The following FAM228B variants were observed in gnomAD, a reference collection of about 807,000 sequenced individuals.
The protein encoded by FAM228B is family with sequence similarity 228 member B.
A neutral mutation model predicts 42.6 loss-of-function variants in FAM228B; 38 were observed. The observed-to-expected ratio is 0.89, with a 90% CI of 0.69 to 1.17. The LOEUF (loss-of-function observed/expected upper bound fraction) is 1.17, where lower values mean the gene tolerates loss of function less well. FAM228B is among the 50% of genes most tolerant of loss of function. The probability of loss-of-function intolerance (pLI) is 0.00; values close to 1 mark genes in which losing one functional copy is unlikely to be tolerated. For missense variants in FAM228B, 344 were observed against 367.3 expected, an observed-to-expected ratio of 0.94 and a Z score of 0.52; for synonymous variants, 109 against 122.3, an observed-to-expected ratio of 0.89 and a Z score of 0.72.
chr2:24,143,305 C>T (rs1225248424), intron 5 of FAM228B, among the ~76,000 whole-genome samples: 3 of 151,564 alleles, frequency 2.0e-5, no homozygotes, highest in Non-Finnish European at 4.4e-5. Flanking sequence ...CTCAGCCTCC[C>T]GAGTAGCTGG....
chr2:24,120,905 T>G, upstream of FAM228B, among the ~76,000 whole-genome samples: 1 of 148,994 alleles, frequency 6.7e-6, no homozygotes, highest in African/African-American at 2.5e-5. Flanking sequence ...GGATGTAGAG[T>G]ATGAAGGTGG....
chr2:24,157,665 G>A (rs887091231), intron 7 of FAM228B, among the ~76,000 whole-genome samples: 12 of 150,436 alleles, frequency 8.0e-5, no homozygotes, highest in Non-Finnish European at 1.3e-4. Context: ...TTGAACCTGG[G>A]AGGCAGAAGT....
chr2:24,077,408 G>A lies in FAM228B; in HGVS notation c.-290+439G>A, dbSNP rs1417709565. 5.6e-6 allele frequency: 4 copies of A among 716,808 alleles called. No individual in the cohort carries two copies. Among genetic ancestry groups the A allele is most frequent in the Admixed American group, 3.3e-5 (1 of 30,414 alleles). The allele number at this position is 716,808 out of a possible 1,614,324, so 44.4% of individuals were successfully genotyped here. ...CGGACTCCCACCTCAACCCCGCCGC[G>A]GCGGCCCCAGTCCGCGTGCCACCCT... On this transcript the variant is annotated intron_variant, in intron 1 of 10. Coordinates refer to the FAM228B transcript ENST00000613899. This position sits in a 1 kb window ranked among gnomAD's most constrained non-coding sequence, Gnocchi z 5.5.
At chr2:24,123,649 C>T (rs1410717091) in intron 1 of FAM228B, 116 bp downstream of exon 1, 1 of 151,802 alleles carries the variant, frequency 6.6e-6, no homozygotes, top group Non-Finnish European at 1.5e-5. Context: ...GGCCGCGGGC[C>T]TGCTGGCCTT....
At chr2:24,123,329 A>G (rs953031048), upstream of FAM228B, 1 of 151,762 alleles carries the variant, frequency 6.6e-6, no homozygotes, top group Admixed American at 6.6e-5. Flanking sequence ...TGGCGGCGGC[A>G]GGATTGGCCG....
intron 2 of FAM228B, chr2:24,087,508 A>G (rs1665287638): frequency 6.6e-6 from 1 of 152,350 alleles, no homozygotes; most frequent in African/African-American, 2.4e-5. Flanking sequence ...TTATGCTAAT[A>G]TGACTTAGGG....
chr2:24,114,367 T>C (rs981457101), intron 3 of FAM228B, among the ~76,000 whole-genome samples: 2 of 152,146 alleles, frequency 1.3e-5, no homozygotes, highest in Non-Finnish European at 2.9e-5. Context: ...CCCATCCCAG[T>C]AGCCATGTCT....
At position 24,147,374 on chromosome 2, in the gene FAM228B, ATCTT is replaced by A. The variant is rs567679670; in HGVS notation, c.686+289_686+292del. 1.8e-4 allele frequency among the ~76,000 whole-genome samples: 27 copies of A among 151,694 alleles called. No individual in the cohort carries two copies. In the South Asian group the frequency reaches 5.4e-3, roughly 30 times the overall value. On this transcript the variant is annotated intron_variant, in intron 7 of 10. Coordinates refer to ENST00000615575, the MANE Select transcript of FAM228B (RefSeq NM_001145710.2). The stretch of plus-strand genomic sequence containing the variant: ...TGTTTATATTTGTTTTTTTCTGTCT[ATCTT>A]AATGTTCTCTGAGGTTCTCATATGT...
chr2:24,151,388 T>C (rs934250493), intron 7 of FAM228B, among the ~76,000 whole-genome samples: 1 of 151,882 alleles, frequency 6.6e-6, no homozygotes, highest in African/African-American at 2.4e-5. Flanking sequence ...CCTCTTGGGT[T>C]AAGGTGATTC....
At position 24,080,803 on chromosome 2, in the gene FAM228B, A is replaced by G; in HGVS notation, c.-289-73A>G. ...ATCTCTTAAATTCCTGCTGAACTGT[A>G]GAAGCAGTTGTTTACCTTTGGTGAA... On this transcript the variant is annotated intron_variant, in intron 1 of 10. Transcript: ENST00000613899. The surrounding 1 kb of genome is among the most constrained non-coding windows in gnomAD (Gnocchi z 4.7). The G allele has an allele frequency of 1.2e-6, 2 of 1,613,760 alleles. No individual in the cohort carries two copies. Among genetic ancestry groups the G allele is most frequent in the East Asian group, 2.2e-5 (1 of 44,894 alleles).
intron 3 of FAM228B, among the ~76,000 whole-genome samples, chr2:24,107,215 A>G (rs949449264): frequency 3.3e-5 from 5 of 152,224 alleles, no homozygotes; most frequent in African/African-American, 1.2e-4. Flanking sequence ...GTACAATTCA[A>G]CAAGAAGACC....
At position 24,077,819 on chromosome 2, in the gene FAM228B, C is replaced by T. The variant is rs1573713437; in HGVS notation, c.-290+850C>T. On this transcript the variant is annotated intron_variant, in intron 1 of 10. Coordinates refer to the FAM228B transcript ENST00000613899. This position sits in a 1 kb window ranked among gnomAD's most constrained non-coding sequence, Gnocchi z 5.5. ...GGAGAGAGCCTCACCCTGCCCTCCT[C>T]ATCCTCCTCAGCCTTCTTGCTCTCT... 2.6e-6 allele frequency: 4 copies of T among 1,554,368 alleles called. No individual in the cohort carries two copies. Among genetic ancestry groups the T allele is most frequent in the Admixed American group, 1.9e-5 (1 of 53,848 alleles).
intron 3 of FAM228B, among the ~76,000 whole-genome samples, chr2:24,108,717 C>T (rs370233180): frequency 6.9e-4 from 105 of 151,894 alleles, no homozygotes; most frequent in African/African-American, 2.4e-3. Flanking sequence ...CTAGCTAACA[C>T]GGTGAAACCC....
rs1487455415 is a variant in FAM228B, at chr2:24,167,679, G to C, written c.*10G>C. 1 of 1,551,446 alleles carries C rather than the reference G, an allele frequency of 6.4e-7. No individual in the cohort carries two copies. The highest frequency in any genetic ancestry group is 8.7e-7 in the Non-Finnish European group (1 of 1,146,802). On this transcript the variant is annotated 3_prime_UTR_variant, in exon 10 of 11. Transcript: ENST00000615575. ...GAAGCTGGAGCTATAAGAAAGAAGA[G>C]GGAGGTAGATGTCTTCTCTCTTTCC...
chr2:24,152,984 T>C (rs565935835), intron 7 of FAM228B, among the ~76,000 whole-genome samples: 4 of 152,296 alleles, frequency 2.6e-5, no homozygotes, highest in African/African-American at 9.6e-5. Context: ...ACCACTGGTC[T>C]ATGGGGATTC....
In FAM228B at chr2:24,092,218, CAAAAAAAAAAAA is replaced by C. The variant is rs34189159; in HGVS notation, c.-209-2909_-209-2898del. ...TGGGTGACAGAGTAAGACTCTGTCTCAAAAAAAAAAAAAAAAAAAAAAAAAGGAATAGTAGTA... is the reference window on the plus strand; with the variant it reads ...TGGGTGACAGAGTAAGACTCTGTCTCAAAAAAAAAAAAAGGAATAGTAGTA... On this transcript the variant is annotated intron_variant, in intron 2 of 10. Transcript: ENST00000613899. Among the ~76,000 whole-genome samples, 5 of 29,998 alleles carry C rather than the reference CAAAAAAAAAAAA, an allele frequency of 1.7e-4. No homozygotes were observed. In the East Asian group the frequency reaches 6.2e-3, roughly 37 times the overall value. The allele number at this position is 29,998 out of a possible 152,430, so 19.7% of individuals were successfully genotyped here.
At chr2:24,146,517 CA>C in intron 5 of FAM228B, among the ~76,000 whole-genome samples, 1 of 152,202 alleles carries the variant, frequency 6.6e-6, no homozygotes, top group East Asian at 1.9e-4. Context: ...CACTTTGAAA[CA>C]AGAGCTAACT....
At chr2:24,147,320 CTT>C (rs1447381160) in intron 7 of FAM228B, among the ~76,000 whole-genome samples, 1 of 151,376 alleles carries the variant, frequency 6.6e-6, no homozygotes, top group Non-Finnish European at 1.5e-5. Context: ...TTCTGTTTCT[CTT>C]TGGTTTTCAT....
chr2:24,145,766 G>T (rs565721422), intron 5 of FAM228B, among the ~76,000 whole-genome samples: 1 of 144,974 alleles, frequency 6.9e-6, no homozygotes, highest in African/African-American at 2.6e-5. Context: ...GTGCAGTGTC[G>T]CAAGCTCCAC....
Sources: allele counts gnomAD v4.1 joint callset (sites outside exome capture counted in the v4.1 genomes callset), GRCh38; gene constraint gnomAD v4.1.1; non-coding constraint Gnocchi (gnomAD v3.1); transcripts MANE v1.5; gene names NCBI Gene and HGNC (gene_info 2026-07-23, HGNC 2026-07-21).